Variants in UBR4 observed in about 807,000 individuals in gnomAD.
UBR4 encodes the protein E3 ubiquitin-protein ligase UBR4.
Under a neutral mutation model 575.6 loss-of-function variants are expected in UBR4, and 124 were observed. That is an observed-to-expected ratio of 0.22 (90% CI 0.19 to 0.25). The LOEUF (loss-of-function observed/expected upper bound fraction) is 0.25, where lower values mean the gene tolerates loss of function less well. UBR4 is among the 10% of genes least tolerant of loss of function. The pLI, the probability that UBR4 is intolerant of heterozygous loss-of-function variation, is 1.00. For missense variants in UBR4, 4,818 were observed against 6,478.8 expected, an observed-to-expected ratio of 0.74 and a Z score of 8.80; for synonymous variants, 2,455 against 2,473.7, an observed-to-expected ratio of 0.99 and a Z score of 0.22.
chr1:19,098,015 T>C (rs1299806944), intron 90 of UBR4, among the ~76,000 whole-genome samples: 3 of 152,222 alleles, frequency 2.0e-5, no homozygotes, highest in Non-Finnish European at 2.9e-5. Context: ...CATATATTAA[T>C]ATTATTCTCA....
chr1:19,192,587 T>G lies in UBR4; in HGVS notation c.1144-47A>C, dbSNP rs571901020. The G allele has an allele frequency of 5.6e-6, 9 of 1,606,120 alleles. No individual in the cohort carries two copies. The East Asian group carries it at 1.8e-4, about 32-fold the overall frequency. ...CAAAAATCTGAACAAGCTGACAGAT[T>G]TCATCATAAATGCTAAATCCTACCC... is the stretch of plus-strand genomic sequence containing the variant. On this transcript the variant is annotated intron_variant, in intron 9 of 105. Transcript: ENST00000375254.
intron 103 of UBR4, chr1:19,079,103 T>C (rs1167552698): frequency 6.6e-6 from 1 of 152,152 alleles, no homozygotes; most frequent in African/African-American, 2.4e-5. Flanking sequence ...ATGTTTAGTA[T>C]TAAAATGCAT....
Position 19,162,400 on chromosome 1 carries a change from C to T in UBR4, c.4956+20G>A, listed in dbSNP as rs766147488. On this transcript the variant is annotated intron_variant, in intron 35 of 105. Transcript: ENST00000375254. ...AGTCATTACCTTGAGAGGTTAACTT[C>T]GAGGTTACTTAGTACTTACTGAATC... is the stretch of plus-strand genomic sequence containing the variant. 1.1e-5 allele frequency: 18 copies of T among 1,601,258 alleles called. No homozygotes were observed. The highest frequency in any genetic ancestry group is 8.9e-5 in the East Asian group (4 of 44,770).
At chr1:19,075,040 G>A (rs77961915) in intron 105 of UBR4, 144 bp from the exon 106 acceptor site, 96 of 801,748 alleles carry the variant, frequency 1.2e-4, no homozygotes, top group African/African-American at 1.2e-3. Flanking sequence ...CAGCATGACC[G>A]GGGAGGTAGT....
chr1:19,102,639 G>A (rs1036616910), intron 87 of UBR4, among the ~76,000 whole-genome samples: 2 of 152,132 alleles, frequency 1.3e-5, no homozygotes, highest in African/African-American at 4.8e-5. Flanking sequence ...AAGAGAAATC[G>A]GGAAGCCAGG....
chr1:19,174,375 C>G lies in UBR4; in HGVS notation c.2926G>C (p.Ala976Pro). Residue 976 changes from alanine (A) to proline (P), a missense_variant, in exon 22 of 106, where the codon GCT becomes CCT. Physicochemically the swap from Ala to Pro is conservative, Grantham distance 27. This residue lies in a region of UBR4 where 1,172 missense variants were observed against 1,259.7 expected (regional missense o/e 0.93). Transcript: ENST00000375254. ...LYAALTALLA[A>P]GSQLDTVRRK... ...CTAACTGTATCAAGCTGGGACCCAGCTGCAAGCAGGGCTGTCAGTGCAGCA... is the reference window on the plus strand; with the variant it reads ...CTAACTGTATCAAGCTGGGACCCAGGTGCAAGCAGGGCTGTCAGTGCAGCA... 1 of 1,613,496 alleles carries G rather than the reference C, an allele frequency of 6.2e-7. No homozygotes were observed. The highest frequency in any genetic ancestry group is 8.5e-7 in the Non-Finnish European group (1 of 1,179,982).
intron 13 of UBR4, among the ~76,000 whole-genome samples, chr1:19,186,878 T>G (rs914634820): frequency 6.6e-6 from 1 of 152,040 alleles, no homozygotes. Flanking sequence ...GTGTCCTCTA[T>G]GCTTCTGCTT....
At chr1:19,097,166 G>T in intron 91 of UBR4, 27 bp downstream of exon 91, 2 of 1,592,110 alleles carry the variant, frequency 1.3e-6, no homozygotes, top group Non-Finnish European at 1.7e-6. Context: ...CCAAGCCTCA[G>T]ATCCAATGTG....
intron 34 of UBR4, 59 bp downstream of exon 34, chr1:19,163,705 C>A: frequency 1.3e-6 from 2 of 1,564,066 alleles, no homozygotes; most frequent in Non-Finnish European, 1.8e-6. Context: ...TCCACCTGAC[C>A]ACAGAGGTGA....
chr1:19,086,538 G>T, intron 100 of UBR4, 141 bp downstream of exon 100: 1 of 1,282,988 alleles, frequency 7.8e-7, no homozygotes, highest in East Asian at 2.4e-5. Context: ...ACTGCTTGGG[G>T]ACCTATATGG....
intron 1 of UBR4, among the ~76,000 whole-genome samples, chr1:19,207,036 G>A (rs1186867093): frequency 6.6e-6 from 1 of 152,166 alleles, no homozygotes; most frequent in Non-Finnish European, 1.5e-5. Flanking sequence ...GCATGATGGA[G>A]CCAGGATATC....
At chr1:19,107,049 AG>A (rs1379793296) in intron 81 of UBR4, 83 bp from the exon 82 acceptor site, 11 of 1,557,758 alleles carry the variant, frequency 7.1e-6, no homozygotes, top group Non-Finnish European at 7.0e-6. Flanking sequence ...CTGGTGCCCC[AG>A]GGGGTGATGT....
intron 60 of UBR4, among the ~76,000 whole-genome samples, chr1:19,137,111 G>A (rs2083284914): frequency 6.6e-6 from 1 of 151,872 alleles, no homozygotes; most frequent in Non-Finnish European, 1.5e-5. Context: ...TCAGGCCTGG[G>A]CAACAGGGCA....
At chr1:19,207,318 T>C (rs1195554184) in intron 1 of UBR4, among the ~76,000 whole-genome samples, 1 of 152,248 alleles carries the variant, frequency 6.6e-6, no homozygotes, top group East Asian at 1.9e-4. Context: ...ACCTTTACTT[T>C]TTAGAAAGAC....
chr1:19,119,353 T>C (rs2149446618), intron 70 of UBR4, among the ~76,000 whole-genome samples: 1 of 152,356 alleles, frequency 6.6e-6, no homozygotes, highest in South Asian at 2.1e-4. Flanking sequence ...ACCTACGTCC[T>C]ATGTTAAGTT....
chr1:19,161,516 T>C, intron 37 of UBR4, 73 bp downstream of exon 37: 1 of 1,525,656 alleles, frequency 6.6e-7, no homozygotes, highest in Admixed American at 2.2e-5. Context: ...GTGATGGGAA[T>C]TTTCCAGTTT....
chr1:19,159,754 T>G (rs775013898), intron 39 of UBR4, among the ~76,000 whole-genome samples: 4 of 151,528 alleles, frequency 2.6e-5, no homozygotes, highest in Non-Finnish European at 5.9e-5. Context: ...TGTGCCACCA[T>G]GCCAAGCTAA....
At chr1:19,170,506 C>T (rs1385661308) in intron 26 of UBR4, among the ~76,000 whole-genome samples, 1 of 152,222 alleles carries the variant, frequency 6.6e-6, no homozygotes, top group Non-Finnish European at 1.5e-5. Context: ...TGGATCCCAG[C>T]TCTATCTCTT....
chr1:19,149,111 A>G lies in UBR4; in HGVS notation c.7431-485T>C, dbSNP rs556446425. 3.9e-5 allele frequency among the ~76,000 whole-genome samples: 6 copies of G among 152,328 alleles called. 1 individual carries two copies. The highest frequency in any genetic ancestry group is 1.2e-4 in the African/African-American group (5 of 41,588). On this transcript the variant is annotated intron_variant, in intron 49 of 105. Coordinates refer to ENST00000375254, the MANE Select transcript of UBR4 (RefSeq NM_020765.3). ...CCAAGTATGGGGGAGAGAACAAACTATTTTTTAGGTGCATGCCAATTGCCA... is the reference window on the plus strand; with the variant it reads ...CCAAGTATGGGGGAGAGAACAAACTGTTTTTTAGGTGCATGCCAATTGCCA...
Sources: allele counts gnomAD v4.1 joint callset (sites outside exome capture counted in the v4.1 genomes callset), GRCh38; gene constraint gnomAD v4.1.1; regional missense constraint gnomAD v4.1.1; transcripts MANE v1.5; gene names NCBI Gene and HGNC (gene_info 2026-07-23, HGNC 2026-07-21).